The following PKHD1 variants were observed in gnomAD, a reference collection of about 807,000 sequenced individuals.
PKHD1 encodes the protein PKHD1 ciliary IPT domain containing fibrocystin/polyductin, also known as fibrocystin.
In PKHD1, 291 loss-of-function variants were observed where a neutral mutation model predicts 412.0. That is an observed-to-expected ratio of 0.71 (90% CI 0.64 to 0.78). The LOEUF is 0.78. Ranked by LOEUF, PKHD1 falls within the 30% of genes least tolerant of loss-of-function variation. The probability of loss-of-function intolerance (pLI) is 0.00; values close to 1 mark genes in which losing one functional copy is unlikely to be tolerated. For synonymous variants in PKHD1, 1,777 were observed against 1,821.5 expected, an observed-to-expected ratio of 0.98 and a Z score of 0.62; for missense variants, 4,825 against 4,950.7, an observed-to-expected ratio of 0.97 and a Z score of 0.76.
At chr6:51,766,528 AT>A (rs1312489109) in intron 55 of PKHD1, among the ~76,000 whole-genome samples, 1 of 151,544 alleles carries the variant, frequency 6.6e-6, no homozygotes, top group African/African-American at 2.4e-5. Context: ...AAAGATGACC[AT>A]TTTTTCTATA....
intron 1 of PKHD1, among the ~76,000 whole-genome samples, chr6:52,086,183 TC>T (rs1220396076): frequency 6.6e-6 from 1 of 150,912 alleles, no homozygotes; most frequent in Non-Finnish European, 1.5e-5. Context: ...TGATGTCAGT[TC>T]ACTGCAACCT....
intron 50 of PKHD1, among the ~76,000 whole-genome samples, chr6:51,840,544 T>C (rs967593429): frequency 5.9e-5 from 9 of 152,226 alleles, no homozygotes; most frequent in African/African-American, 2.2e-4. Flanking sequence ...CAGAGCAATG[T>C]TTTTCATACT....
chr6:51,924,427 T>C (rs1561893381), intron 37 of PKHD1, among the ~76,000 whole-genome samples: 1 of 152,196 alleles, frequency 6.6e-6, no homozygotes. Flanking sequence ...CTAATAGCCA[T>C]GCTATAAATT....
chr6:51,751,767 A>T (rs1012231207), intron 57 of PKHD1, among the ~76,000 whole-genome samples: 6 of 152,202 alleles, frequency 3.9e-5, no homozygotes, highest in African/African-American at 1.4e-4. Context: ...CTAATGAAGG[A>T]GCTACATAAA....
At chr6:51,753,082 GA>G in intron 57 of PKHD1, 118 bp downstream of exon 57, 1 of 865,960 alleles carries the variant, frequency 1.2e-6, no homozygotes, top group East Asian at 2.5e-5. Flanking sequence ...AAGCACAAAG[GA>G]ACTATCTCAT....
At chr6:52,059,783 T>C (rs1808397830) in intron 15 of PKHD1, 145 bp downstream of exon 15, 1 of 656,498 alleles carries the variant, frequency 1.5e-6, no homozygotes, top group Admixed American at 2.2e-5. Flanking sequence ...TTCAAACAAG[T>C]TCTTTTTCAA....
rs575058604 is a variant in PKHD1, at chr6:51,748,072, C to T, written c.9544G>A (p.Val3182Ile). Residue 3182 changes from valine to isoleucine, a missense_variant, in exon 58 of 67, where the codon GTA becomes ATA. Val to Ile is a conservative substitution (Grantham distance 29). Coordinates refer to ENST00000371117, the MANE Select transcript of PKHD1 (RefSeq NM_138694.4). ...LVDNTIGLLA[V>I]VYVFSAPQNS... ...TGTGGAGCAGAAAATACATACACTA[C>T]TGCCAAAAGACCAATAGTATTGTCT... 2.2e-5 allele frequency: 35 copies of T among 1,614,028 alleles called. No homozygotes were observed. The South Asian group carries it at 3.7e-4, about 17-fold the overall frequency.
intron 23 of PKHD1, among the ~76,000 whole-genome samples, chr6:52,047,131 G>C (rs1253974061): frequency 6.6e-6 from 1 of 152,164 alleles, no homozygotes; most frequent in Non-Finnish European, 1.5e-5. Flanking sequence ...TTTTGCAGGC[G>C]GTGATCTGAG....
Position 51,619,465 on chromosome 6 carries a change from C to G in PKHD1, c.11841G>C (p.Met3947Ile). ...TAACTTTCCTTCTGGACACTCCATT[C>G]ATCAACTGGTGGGGGCACTGGTTCA... ...GKVNQCPHQL[M>I]NGVSRRKVSR... Residue 3947 changes from methionine (M) to isoleucine (I), a missense_variant, in exon 67 of 67, where the codon ATG becomes ATC. By Grantham distance (10) the Met-to-Ile change is conservative (BLOSUM62 1). Coordinates refer to ENST00000371117, the MANE Select transcript of PKHD1 (RefSeq NM_138694.4). 2 of 1,614,090 alleles carry G rather than the reference C, an allele frequency of 1.2e-6. No individual in the cohort carries two copies. The highest frequency in any genetic ancestry group is 1.7e-6 in the Non-Finnish European group (2 of 1,179,972).
chr6:51,792,635 G>GA (rs1466994989), intron 52 of PKHD1, among the ~76,000 whole-genome samples: 2 of 152,190 alleles, frequency 1.3e-5, no homozygotes, highest in Non-Finnish European at 2.9e-5. Flanking sequence ...TAAAATGTGG[G>GA]AAAAATTAAA....
intron 65 of PKHD1, among the ~76,000 whole-genome samples, chr6:51,630,804 C>T (rs1037547115): frequency 6.6e-6 from 1 of 152,148 alleles, no homozygotes; most frequent in African/African-American, 2.4e-5. Context: ...ATCACTTATA[C>T]AGATCTGACT....
intron 48 of PKHD1, among the ~76,000 whole-genome samples, chr6:51,866,926 A>G (rs2151754458): frequency 6.6e-6 from 1 of 152,296 alleles, no homozygotes; most frequent in South Asian, 2.1e-4. Context: ...ATGAATGTCT[A>G]GAAAGCAAAA....
chr6:51,634,592 A>T (rs1409848051), intron 64 of PKHD1, among the ~76,000 whole-genome samples: 4 of 152,228 alleles, frequency 2.6e-5, no homozygotes, highest in African/African-American at 9.6e-5. Context: ...GATACACATA[A>T]CAAACATTTG....
At chr6:51,948,180 T>A (rs1789767204) in intron 36 of PKHD1, among the ~76,000 whole-genome samples, 1 of 152,172 alleles carries the variant, frequency 6.6e-6, no homozygotes, top group Non-Finnish European at 1.5e-5. Context: ...GTTTCTGCCC[T>A]TATCCTCTAC....
At chr6:52,022,997 T>C (rs995990425) in intron 32 of PKHD1, 53 bp from the exon 33 acceptor site, 1 of 1,604,862 alleles carries the variant, frequency 6.2e-7, no homozygotes, top group Admixed American at 1.7e-5. Context: ...CTCCCTTCTT[T>C]ACTCAACTCA....
chr6:51,748,668 A>G lies in PKHD1; in HGVS notation c.8951-3T>C. The G allele has an allele frequency of 6.2e-7, 1 of 1,613,362 alleles. No homozygotes were observed. The highest frequency in any genetic ancestry group is 1.3e-5 in the African/African-American group (1 of 75,020). On this transcript the variant is annotated splice_polypyrimidine_tract_variant and splice_region_variant and intron_variant, in intron 57 of 66. Transcript: ENST00000371117. Reference sequence around the variant, plus strand: ...CACATTAAGAAGTTGAAGGACACCTATAAACAAATGCATGTCATCAGGTAC... The same window carrying G: ...CACATTAAGAAGTTGAAGGACACCTGTAAACAAATGCATGTCATCAGGTAC...
At chr6:51,890,727 G>T (rs1444565722) in intron 43 of PKHD1, among the ~76,000 whole-genome samples, 2 of 152,152 alleles carry the variant, frequency 1.3e-5, no homozygotes, top group Non-Finnish European at 2.9e-5. Context: ...GCACAGCTTA[G>T]CGTGCACAGA....
intron 60 of PKHD1, among the ~76,000 whole-genome samples, chr6:51,741,991 T>C (rs1784611494): frequency 6.6e-6 from 1 of 152,240 alleles, no homozygotes; most frequent in Non-Finnish European, 1.5e-5. Flanking sequence ...TATCAGAATG[T>C]TTTCCCCATA....
chr6:51,693,474 G>C (rs1457191605), intron 60 of PKHD1, among the ~76,000 whole-genome samples: 1 of 152,150 alleles, frequency 6.6e-6, no homozygotes, highest in Non-Finnish European at 1.5e-5. Flanking sequence ...CTTGTGAAGT[G>C]GTTTACAAAG....
Sources: gnomAD v4.1 joint callset for allele counts (sites outside exome capture counted in the v4.1 genomes callset) on GRCh38, gnomAD v4.1.1 for gene constraint, MANE v1.5 for transcripts, NCBI Gene and HGNC (gene_info 2026-07-23, HGNC 2026-07-21) for gene names.